PKD2: variants seen among roughly 807,000 people sequenced by gnomAD.
PKD2 encodes the protein polycystin 2, transient receptor potential cation channel, also known as polycystin-2.
In PKD2, 48 loss-of-function variants were observed where a neutral mutation model predicts 105.9. The ratio of observed to expected loss-of-function variants is 0.45; its 90% CI spans 0.36 to 0.58. The LOEUF (loss-of-function observed/expected upper bound fraction) is 0.58, where lower values mean the gene tolerates loss of function less well. PKD2 is among the 20% of genes least tolerant of loss of function. The pLI is 0.00. For missense variants in PKD2, 1,078 were observed against 1,255.3 expected, an observed-to-expected ratio of 0.86 and a Z score of 2.13; for synonymous variants, 464 against 481.1, an observed-to-expected ratio of 0.96 and a Z score of 0.46.
chr4:88,061,891 T>C lies in PKD2; in HGVS notation c.2020-15T>C, dbSNP rs1403142707. The C allele has an allele frequency of 3.9e-6, 5 of 1,291,246 alleles. No homozygotes were observed. The highest frequency in any genetic ancestry group is 1.7e-5 in the Admixed American group (1 of 59,502). The allele number at this position is 1,291,246 out of a possible 1,614,324, so 80.0% of individuals were successfully genotyped here. ...TTCTTCCTTTAATTTTTGCCCTCCT[T>C]TCATTTACAAACAGAATATGTTTTT... On this transcript the variant is annotated splice_polypyrimidine_tract_variant and intron_variant, in intron 9 of 14. Coordinates refer to ENST00000237596, the MANE Select transcript of PKD2 (RefSeq NM_000297.4).
intron 6 of PKD2, among the ~76,000 whole-genome samples, chr4:88,049,292 T>A (rs1186744083): frequency 6.6e-6 from 1 of 152,240 alleles, no homozygotes; most frequent in Non-Finnish European, 1.5e-5. Context: ...ATTCCAAAAC[T>A]TTCTTACCAC....
chr4:88,064,045 C>T (rs1434219846), intron 10 of PKD2, among the ~76,000 whole-genome samples: 1 of 152,182 alleles, frequency 6.6e-6, no homozygotes, highest in Non-Finnish European at 1.5e-5. Context: ...ATTCCAGCTA[C>T]TCAAGTGGCT....
intron 9 of PKD2, among the ~76,000 whole-genome samples, chr4:88,060,407 A>G (rs1254006305): frequency 1.3e-5 from 2 of 150,870 alleles, no homozygotes; most frequent in Non-Finnish European, 2.9e-5. Flanking sequence ...TCATTTCTCA[A>G]TCATTTAATA....
intron 4 of PKD2, among the ~76,000 whole-genome samples, chr4:88,040,287 G>A (rs966601870): frequency 5.3e-5 from 8 of 152,006 alleles, no homozygotes; most frequent in South Asian, 4.2e-4. Flanking sequence ...GTGGCTTGTC[G>A]ACGCTCTCAG....
At chr4:88,014,724 A>G (rs1214238961) in intron 1 of PKD2, among the ~76,000 whole-genome samples, 2 of 152,230 alleles carry the variant, frequency 1.3e-5, no homozygotes, top group Non-Finnish European at 2.9e-5. Context: ...TGGTCAGGCT[A>G]TCACAATGAA....
chr4:88,021,992 C>T lies in PKD2; in HGVS notation c.709+2421C>T, dbSNP rs184223259. Among the ~76,000 whole-genome samples, 124 of 152,272 alleles carry T rather than the reference C, an allele frequency of 8.1e-4. 1 individual carries two copies. The East Asian group carries it at 0.02, about 24-fold the overall frequency. ...AGAGTCCCTAAGAAAGCACATGAGCCTCACCATGGTGAGTGGGGCCATGAG... is the reference window on the plus strand; with the variant it reads ...AGAGTCCCTAAGAAAGCACATGAGCTTCACCATGGTGAGTGGGGCCATGAG... On this transcript the variant is annotated intron_variant, in intron 2 of 14. Transcript: ENST00000237596.
chr4:88,071,981 T>C (rs935387068), intron 13 of PKD2, among the ~76,000 whole-genome samples: 2 of 141,248 alleles, frequency 1.4e-5, no homozygotes, highest in African/African-American at 2.7e-5. Context: ...CAGTCTTTTT[T>C]TTTTTTTTTT....
chr4:88,038,782 C>T lies in PKD2; in HGVS notation c.1094+281C>T, dbSNP rs753881188. 4.6e-5 allele frequency among the ~76,000 whole-genome samples: 7 copies of T among 152,142 alleles called. No homozygotes were observed. The South Asian group carries it at 8.3e-4, about 18-fold the overall frequency. On this transcript the variant is annotated intron_variant, in intron 4 of 14. Transcript: ENST00000237596. ...TAATTATCTGAGCGTTTGAAAATTT[C>T]ATTTAAGATGCCCTGGGCCCTGTTT...
At chr4:88,062,029 A>G (rs371489835) in intron 10 of PKD2, 25 bp downstream of exon 10, 95 of 1,085,862 alleles carry the variant, frequency 8.7e-5, no homozygotes, top group Non-Finnish European at 3.9e-5. Context: ...AATTCTCAGA[A>G]TTCTTCTGTT....
chr4:88,023,731 A>T (rs970979150), intron 2 of PKD2, among the ~76,000 whole-genome samples: 2 of 152,236 alleles, frequency 1.3e-5, no homozygotes, highest in African/African-American at 2.4e-5. Flanking sequence ...ACATGAAAAG[A>T]TCCTAGGATG....
chr4:88,070,591 T>TAGAGAGAGAG (rs1380301242), intron 13 of PKD2, among the ~76,000 whole-genome samples: 3 of 104,172 alleles, frequency 2.9e-5, no homozygotes, highest in African/African-American at 1.1e-4. Context: ...TATATATATA[T>TAGAGAGAGAG]ATATATATAT....
In PKD2 at chr4:88,075,582, C is replaced by A. The variant is rs1721202694; in HGVS notation, c.2795C>A (p.Pro932Gln). The A allele has an allele frequency of 6.2e-7, 1 of 1,614,084 alleles. No individual in the cohort carries two copies. Among genetic ancestry groups the A allele is most frequent in the Non-Finnish European group, 8.5e-7 (1 of 1,179,944 alleles). ...ASQISHGLGT[P>Q]VGLNGQPRPR... Reference sequence around the variant, plus strand: ...CAGATCAGTCATGGTTTAGGCACGCCAGTGGGACTAAATGGTCAACCTCGC... The same window carrying A: ...CAGATCAGTCATGGTTTAGGCACGCAAGTGGGACTAAATGGTCAACCTCGC... Residue 932 changes from proline to glutamine, a missense_variant, in exon 15 of 15, where the codon CCA becomes CAA. Coordinates refer to ENST00000237596, the MANE Select transcript of PKD2 (RefSeq NM_000297.4).
Position 88,008,165 on chromosome 4 carries a change from C to T in PKD2, c.432C>T (p.Tyr144=). 1 of 1,441,570 alleles carries T rather than the reference C, an allele frequency of 6.9e-7. No individual in the cohort carries two copies. The highest frequency in any genetic ancestry group is 9.1e-7 in the Non-Finnish European group (1 of 1,100,174). 89.3% of individuals were successfully genotyped at this position (1,441,570 alleles called of 1,614,324 possible). A position where few individuals can be genotyped will look rare whatever the true frequency, so the allele number is the denominator to read the frequency against. The change falls in exon 1 of 15, where the codon TAC becomes TAT. Residue 144 remains tyrosine, a synonymous_variant. Coordinates refer to ENST00000237596, the MANE Select transcript of PKD2 (RefSeq NM_000297.4). Reference sequence around the variant, plus strand: ...CGCGGAGCCGGGGGCTTGGGGGCTACCACGGCGCGGGCCACCCGAGCGGGA... The same window carrying T: ...CGCGGAGCCGGGGGCTTGGGGGCTATCACGGCGCGGGCCACCCGAGCGGGA... The part of the protein sequence containing the change: ...VGARSRGLGG[Y]HGAGHPSGRR...
At chr4:88,054,681 G>A (rs1341888593) in intron 7 of PKD2, among the ~76,000 whole-genome samples, 1 of 134,094 alleles carries the variant, frequency 7.5e-6, no homozygotes, top group Admixed American at 7.8e-5. Context: ...TTGGGACGGA[G>A]TCTTGCTCTG....
At chr4:88,066,363 CTT>C (rs36207866) in intron 12 of PKD2, among the ~76,000 whole-genome samples, 8 of 137,542 alleles carry the variant, frequency 5.8e-5, no homozygotes, top group African/African-American at 5.3e-5. Flanking sequence ...ACTTTTTTTT[CTT>C]TTTTTTTTTT....
At chr4:88,072,166 A>G (rs1721061304) in intron 13 of PKD2, among the ~76,000 whole-genome samples, 1 of 151,692 alleles carries the variant, frequency 6.6e-6, no homozygotes, top group Admixed American at 6.6e-5. Flanking sequence ...CATTTTTTAT[A>G]GAGATGGGGT....
intron 1 of PKD2, among the ~76,000 whole-genome samples, chr4:88,008,853 G>A (rs116833518): frequency 0.01 from 1,546 of 152,254 alleles, 30 homozygotes; most frequent in African/African-American, 0.035. Context: ...ATTGTCATTG[G>A]TGCATTTTTT....
chr4:88,025,890 A>G lies in PKD2; in HGVS notation c.709+6319A>G, dbSNP rs140808296. On this transcript the variant is annotated intron_variant, in intron 2 of 14. Coordinates refer to ENST00000237596, the MANE Select transcript of PKD2 (RefSeq NM_000297.4). ...TCTCCTGCTGCCTTGTGAAGAAGGT[A>G]CTTCCTTCTCCTTTGCCTTCCACCA... Among the ~76,000 whole-genome samples, 373 of 152,214 alleles carry G rather than the reference A, an allele frequency of 2.5e-3. 3 individuals are homozygous for G. The highest frequency in any genetic ancestry group is 8.6e-3 in the African/African-American group (358 of 41,526).
chr4:88,040,412 A>T (rs1471092808), intron 4 of PKD2, among the ~76,000 whole-genome samples: 1 of 152,174 alleles, frequency 6.6e-6, no homozygotes, highest in Non-Finnish European at 1.5e-5. Flanking sequence ...TATGTGCTGG[A>T]TGCATTCGAG....
Sources: gnomAD v4.1 joint callset for allele counts (sites outside exome capture counted in the v4.1 genomes callset) on GRCh38, gnomAD v4.1.1 for gene constraint, MANE v1.5 for transcripts, NCBI Gene and HGNC (gene_info 2026-07-23, HGNC 2026-07-21) for gene names.